The following GPHN variants were observed in gnomAD, a reference collection of about 807,000 sequenced individuals.
GPHN encodes gephyrin.
GPHN carries 17 observed loss-of-function variants against 95.5 expected under a neutral mutation model. The observed-to-expected ratio is 0.18, with a 90% CI of 0.12 to 0.27. The LOEUF (loss-of-function observed/expected upper bound fraction) is 0.27. GPHN is among the 10% of genes least tolerant of loss of function. GPHN has a pLI of 1.00. For missense variants in GPHN, 660 were observed against 978.1 expected, an observed-to-expected ratio of 0.67 and a Z score of 4.34; for synonymous variants, 320 against 322.5, an observed-to-expected ratio of 0.99 and a Z score of 0.08.
At chr14:66,526,075 T>C (rs1489583034) in intron 1 of GPHN, among the ~76,000 whole-genome samples, 1 of 152,264 alleles carries the variant, frequency 6.6e-6, no homozygotes, top group African/African-American at 2.4e-5. Context: ...ATAAATTACT[T>C]TGGGCAGCAT....
chr14:66,910,964 A>G (rs1392322255), intron 5 of GPHN, among the ~76,000 whole-genome samples: 2 of 152,142 alleles, frequency 1.3e-5, no homozygotes, highest in East Asian at 3.9e-4. Flanking sequence ...GGAGTTTCAC[A>G]AACACAGTGT....
At chr14:67,550,017 C>T in the GPHN span, among the ~76,000 whole-genome samples, 10 of 152,188 alleles carry the variant, frequency 6.6e-5, no homozygotes, top group Non-Finnish European at 1.5e-5. Flanking sequence ...CCCCATGTGG[C>T]CCAGAGAGGT....
downstream of GPHN, among the ~76,000 whole-genome samples, chr14:67,183,651 C>G (rs2083353228): frequency 6.6e-6 from 1 of 151,686 alleles, no homozygotes; most frequent in South Asian, 2.1e-4. Flanking sequence ...ACAATCTCCA[C>G]CTCCCGGGTT....
At chr14:66,647,841 G>A (rs2064838929) in intron 1 of GPHN, among the ~76,000 whole-genome samples, 1 of 152,100 alleles carries the variant, frequency 6.6e-6, no homozygotes, top group Admixed American at 6.6e-5. Flanking sequence ...AATGGAAAAT[G>A]TTTTAAAAAT....
the GPHN span, among the ~76,000 whole-genome samples, chr14:67,393,577 C>T: frequency 5.3e-5 from 8 of 152,134 alleles, no homozygotes; most frequent in South Asian, 2.1e-4. Context: ...CCTCAACCTC[C>T]GGAGCAGCTG....
chr14:67,643,851 GTAAA>G, the GPHN span, among the ~76,000 whole-genome samples: 1 of 33,030 alleles, frequency 3.0e-5, no homozygotes. Flanking sequence ...CTCCTTGGGA[GTAAA>G]AAAAAAAAAA....
the GPHN span, among the ~76,000 whole-genome samples, chr14:67,561,044 C>T: frequency 6.6e-6 from 1 of 152,170 alleles, no homozygotes; most frequent in Non-Finnish European, 1.5e-5. Context: ...AAACATACAT[C>T]TTTTCCTCTG....
chr14:67,533,280 G>A, the GPHN span: 1 of 151,998 alleles, frequency 6.6e-6, no homozygotes, highest in Admixed American at 6.6e-5. Flanking sequence ...CTGCCGGGGA[G>A]GGGAGAACCG....
At chr14:67,261,950 G>A in the GPHN span, among the ~76,000 whole-genome samples, 1 of 152,074 alleles carries the variant, frequency 6.6e-6, no homozygotes. Flanking sequence ...GGCAAAAAAA[G>A]GATGGGATTT....
the GPHN span, among the ~76,000 whole-genome samples, chr14:67,730,884 G>A: frequency 8.6e-3 from 1,310 of 152,234 alleles, 11 homozygotes; most frequent in Non-Finnish European, 0.014. Context: ...GATTACAGGC[G>A]TGAGCCACCG....
chr14:67,665,952 T>G, the GPHN span, among the ~76,000 whole-genome samples: 1 of 152,180 alleles, frequency 6.6e-6, no homozygotes, highest in African/African-American at 2.4e-5. Context: ...CTATTACTGT[T>G]CCTGAGGGGG....
intron 2 of GPHN, among the ~76,000 whole-genome samples, chr14:66,747,664 T>C (rs2058205128): frequency 6.6e-6 from 1 of 151,962 alleles, no homozygotes; most frequent in African/African-American, 2.4e-5. Context: ...TGTTTTATTA[T>C]TTTTTCTTTA....
chr14:66,511,389 T>A (rs1292627946), intron 1 of GPHN, among the ~76,000 whole-genome samples: 1 of 152,100 alleles, frequency 6.6e-6, no homozygotes, highest in Non-Finnish European at 1.5e-5. Flanking sequence ...GTGGAGGGTC[T>A]CTTTTAGAAA....
At chr14:67,138,635 G>A (rs1414518632) in intron 17 of GPHN, among the ~76,000 whole-genome samples, 2 of 151,974 alleles carry the variant, frequency 1.3e-5, no homozygotes, top group Admixed American at 1.3e-4. Flanking sequence ...ATGGATACAT[G>A]GGTGTTTGTT....
chr14:67,296,322 C>T, the GPHN span, among the ~76,000 whole-genome samples: 2 of 151,848 alleles, frequency 1.3e-5, no homozygotes, highest in Admixed American at 6.6e-5. Flanking sequence ...GTCCAGACGC[C>T]GGATGCAGTG....
intron 1 of GPHN, among the ~76,000 whole-genome samples, chr14:66,675,581 ATCT>A (rs1359403871): frequency 2.0e-5 from 3 of 151,938 alleles, no homozygotes; most frequent in South Asian, 2.1e-4. Flanking sequence ...TACTCTGTTG[ATCT>A]TCTTTTTTTG....
the GPHN span, chr14:67,541,945 C>A: frequency 6.2e-7 from 1 of 1,607,538 alleles, no homozygotes; most frequent in Non-Finnish European, 8.5e-7. Flanking sequence ...CTCAGCTTTT[C>A]CGGTTCCGCC....
At chr14:66,676,047 T>TAC (rs150704288) in intron 1 of GPHN, among the ~76,000 whole-genome samples, 11 of 150,256 alleles carry the variant, frequency 7.3e-5, no homozygotes, top group Admixed American at 1.3e-4. Context: ...GCAGGTTTGT[T>TAC]ACACACACAT....
chr14:66,961,917 T>TAC (rs778901064), intron 8 of GPHN, among the ~76,000 whole-genome samples: 1 of 100,266 alleles, frequency 1.0e-5, no homozygotes, highest in Non-Finnish European at 2.5e-5. Context: ...TATATATATA[T>TAC]ATATATATAT....
Sources: allele counts gnomAD v4.1 joint callset (sites outside exome capture counted in the v4.1 genomes callset), GRCh38; gene constraint gnomAD v4.1.1; transcripts MANE v1.5; gene names NCBI Gene and HGNC (gene_info 2026-07-23, HGNC 2026-07-21).